The following DPP10 variants were observed in gnomAD, a reference collection of about 807,000 sequenced individuals.
DPP10 encodes dipeptidyl peptidase like 10, also known as inactive dipeptidyl peptidase 10.
Under a neutral mutation model 120.9 loss-of-function variants are expected in DPP10, and 33 were observed. The observed-to-expected ratio is 0.27, with a 90% confidence interval of 0.21 to 0.37. The LOEUF (loss-of-function observed/expected upper bound fraction) is 0.37, where lower values mean the gene tolerates loss of function less well. Ranked by LOEUF, DPP10 falls within the 10% of genes least tolerant of loss-of-function variation. The pLI, the probability that DPP10 is intolerant of heterozygous loss-of-function variation, is 1.00. For missense variants in DPP10, 816 were observed against 942.8 expected (o/e 0.87, Z 1.76); for synonymous variants, 337 against 326.1 (o/e 1.03, Z -0.36).
intron 1 of DPP10, among the ~76,000 whole-genome samples, chr2:115,305,328 T>A (rs945732303): frequency 2.0e-5 from 3 of 152,068 alleles, no homozygotes; most frequent in African/African-American, 7.2e-5. Context: ...TAGAAAGCCA[T>A]CAAAAACAAA....
chr2:114,463,017 C>T (rs1443237941), intron 1 of DPP10, among the ~76,000 whole-genome samples: 1 of 152,072 alleles, frequency 6.6e-6, no homozygotes, highest in Non-Finnish European at 1.5e-5. Context: ...TGCCTTGGCC[C>T]TAGAATCAGC....
In DPP10 at chr2:115,753,689, CAGAT is replaced by C. The variant is rs149631422; in HGVS notation, c.1074+397_1074+400del. Among the ~76,000 whole-genome samples the C allele has an allele frequency of 1.2e-3, 186 of 152,058 alleles. 1 individual carries two copies. The East Asian group carries it at 0.03, about 25-fold the overall frequency. On this transcript the variant is annotated intron_variant, in intron 11 of 25. Transcript: ENST00000410059. ...ATTCCTTTTAATTTTTTCTGTAGTT[CAGAT>C]AGATCTGATAAAATAACAGTGTTTC...
chr2:115,529,669 A>G (rs932409287), intron 5 of DPP10, among the ~76,000 whole-genome samples: 38 of 152,276 alleles, frequency 2.5e-4, no homozygotes, highest in African/African-American at 9.1e-4. Flanking sequence ...AAAATGATCA[A>G]TTATTAAATA....
At chr2:114,675,454 G>T (rs759488816) in intron 1 of DPP10, among the ~76,000 whole-genome samples, 5 of 152,262 alleles carry the variant, frequency 3.3e-5, no homozygotes, top group African/African-American at 1.2e-4. Context: ...CCTCAAGATT[G>T]TGGCTAATAA....
chr2:114,939,046 T>A (rs1050031509), intron 1 of DPP10, among the ~76,000 whole-genome samples: 1 of 152,114 alleles, frequency 6.6e-6, no homozygotes, highest in East Asian at 1.9e-4. Context: ...AATACATATG[T>A]GTGTGCTTTT....
intron 1 of DPP10, among the ~76,000 whole-genome samples, chr2:115,244,779 CTA>C (rs974537831): frequency 4.0e-5 from 6 of 148,628 alleles, no homozygotes; most frequent in Non-Finnish European, 7.4e-5. Flanking sequence ...TTTACCATTG[CTA>C]TATATATATG....
chr2:115,400,690 A>G (rs959909693), intron 3 of DPP10, among the ~76,000 whole-genome samples: 13 of 151,808 alleles, frequency 8.6e-5, no homozygotes, highest in Admixed American at 2.0e-4. Context: ...AATAGAAACA[A>G]CATTTCAAGG....
At chr2:114,516,856 T>C (rs1684634937) in intron 1 of DPP10, among the ~76,000 whole-genome samples, 2 of 152,212 alleles carry the variant, frequency 1.3e-5, no homozygotes, top group South Asian at 4.1e-4. Flanking sequence ...ACTACTGGTG[T>C]TTAATACTCA....
chr2:115,682,548 A>C (rs896692835), intron 5 of DPP10, among the ~76,000 whole-genome samples: 1 of 151,900 alleles, frequency 6.6e-6, no homozygotes, highest in African/African-American at 2.4e-5. Context: ...TTTATATAAC[A>C]GGGAATATAT....
chr2:114,707,872 AG>A (rs756810349), intron 1 of DPP10, among the ~76,000 whole-genome samples: 84 of 152,178 alleles, frequency 5.5e-4, no homozygotes, highest in Non-Finnish European at 1.0e-3. Context: ...AGTTATGGAA[AG>A]GGGAACACTG....
intron 5 of DPP10, among the ~76,000 whole-genome samples, chr2:115,572,037 C>T (rs1049687761): frequency 6.6e-6 from 1 of 152,030 alleles, no homozygotes; most frequent in Admixed American, 6.6e-5. Context: ...TGTCTAATTA[C>T]AGTATTGTAT....
At chr2:114,604,598 C>G (rs1449724876) in intron 1 of DPP10, among the ~76,000 whole-genome samples, 1 of 152,112 alleles carries the variant, frequency 6.6e-6, no homozygotes, top group East Asian at 1.9e-4. Context: ...CCTTCACTCT[C>G]TGGTCCTTTA....
At chr2:115,238,087 G>A (rs923662197) in intron 1 of DPP10, among the ~76,000 whole-genome samples, 22 of 152,306 alleles carry the variant, frequency 1.4e-4, no homozygotes, top group Non-Finnish European at 2.6e-4. Flanking sequence ...TTTAGAGCCA[G>A]AGAGAAGCTG....
chr2:115,143,783 G>A (rs1007481727), intron 1 of DPP10, among the ~76,000 whole-genome samples: 6 of 152,150 alleles, frequency 3.9e-5, no homozygotes, highest in South Asian at 2.1e-4. Flanking sequence ...AAATCTCCCC[G>A]GATACCCAAT....
intron 1 of DPP10, among the ~76,000 whole-genome samples, chr2:115,124,286 T>C (rs1024483674): frequency 6.6e-6 from 1 of 152,204 alleles, no homozygotes; most frequent in Non-Finnish European, 1.5e-5. Flanking sequence ...TGACTTCCTA[T>C]TATTTTTGGA....
intron 5 of DPP10, among the ~76,000 whole-genome samples, chr2:115,671,854 G>C (rs1255306531): frequency 2.6e-5 from 4 of 152,140 alleles, no homozygotes; most frequent in Non-Finnish European, 5.9e-5. Context: ...TTTTTATTCA[G>C]CATTTCTAGA....
intron 7 of DPP10, among the ~76,000 whole-genome samples, chr2:115,720,924 G>A (rs910521021): frequency 3.9e-5 from 6 of 152,154 alleles, no homozygotes; most frequent in African/African-American, 1.4e-4. Context: ...TGGGTGGTGG[G>A]CCGGGAGCCA....
chr2:115,680,179 C>T (rs2090552246), intron 5 of DPP10, among the ~76,000 whole-genome samples: 1 of 151,768 alleles, frequency 6.6e-6, no homozygotes, highest in Non-Finnish European at 1.5e-5. Context: ...TTTTAAAGAT[C>T]TCTAAGTAAA....
At chr2:114,766,904 C>T (rs1027689451) in intron 1 of DPP10, among the ~76,000 whole-genome samples, 2 of 151,804 alleles carry the variant, frequency 1.3e-5, no homozygotes, top group African/African-American at 4.8e-5. Flanking sequence ...ACCACAGACA[C>T]ACACACACGC....
Sources: allele counts gnomAD v4.1 joint callset (sites outside exome capture counted in the v4.1 genomes callset), GRCh38; gene constraint gnomAD v4.1.1; transcripts MANE v1.5; gene names NCBI Gene and HGNC (gene_info 2026-07-23, HGNC 2026-07-21).